The following ERGIC1 variants were observed in gnomAD, a reference collection of about 807,000 sequenced individuals.
The protein encoded by ERGIC1 is endoplasmic reticulum-golgi intermediate compartment 1.
In ERGIC1, 19 loss-of-function variants were observed where a neutral mutation model predicts 38.3. The observed-to-expected ratio is 0.50, with a 90% confidence interval of 0.35 to 0.73. The LOEUF (loss-of-function observed/expected upper bound fraction) is 0.73, where lower values mean the gene tolerates loss of function less well. Among genes scored for constraint, ERGIC1 ranks in the 30% least tolerant of loss-of-function variants. The pLI, the probability that ERGIC1 is intolerant of heterozygous loss-of-function variation, is 0.01. For missense variants in ERGIC1, 294 were observed against 389.2 expected (o/e 0.76, Z 2.06); for synonymous variants, 124 against 157.6 (o/e 0.79, Z 1.60).
chr5:172,878,788 G>GC (rs1762211453), intron 1 of ERGIC1, among the ~76,000 whole-genome samples: 1 of 152,022 alleles, frequency 6.6e-6, no homozygotes, highest in Non-Finnish European at 1.5e-5. Flanking sequence ...TTGCCTTCGT[G>GC]CCCCCCAACA....
chr5:172,868,130 C>T, intron 1 of ERGIC1, among the ~76,000 whole-genome samples: 1 of 152,226 alleles, frequency 6.6e-6, no homozygotes, highest in East Asian at 1.9e-4. Flanking sequence ...CATGCGCTTG[C>T]TACGTGCTGG....
intron 1 of ERGIC1, among the ~76,000 whole-genome samples, chr5:172,859,840 T>C (rs1761652372): frequency 6.6e-6 from 1 of 152,232 alleles, no homozygotes; most frequent in African/African-American, 2.4e-5. Flanking sequence ...GCCCGGTTTC[T>C]CTAACTCCAA....
At chr5:172,945,284 G>A (rs1400988031) in intron 9 of ERGIC1, among the ~76,000 whole-genome samples, 1 of 152,206 alleles carries the variant, frequency 6.6e-6, no homozygotes, top group East Asian at 1.9e-4. Flanking sequence ...ACCCTGTCTG[G>A]GCCTCAGCTA....
At chr5:172,889,550 G>A (rs1406391419) in intron 2 of ERGIC1, among the ~76,000 whole-genome samples, 2 of 152,170 alleles carry the variant, frequency 1.3e-5, no homozygotes, top group African/African-American at 4.8e-5. Flanking sequence ...GGTGTCAGCA[G>A]GACCTAGGAG....
At chr5:172,909,804 T>C in intron 4 of ERGIC1, 43 bp downstream of exon 4, 2 of 1,534,272 alleles carry the variant, frequency 1.3e-6, no homozygotes, top group African/African-American at 2.7e-5. Flanking sequence ...GGACACCTCC[T>C]TAGGGCAAAT....
intron 1 of ERGIC1, among the ~76,000 whole-genome samples, chr5:172,857,721 G>A (rs1761588557): frequency 6.6e-6 from 1 of 151,898 alleles, no homozygotes; most frequent in Non-Finnish European, 1.5e-5. Context: ...AGGACCCCAG[G>A]CACCCCTCTT....
At chr5:172,877,267 A>T (rs1192912988) in intron 1 of ERGIC1, among the ~76,000 whole-genome samples, 1 of 152,074 alleles carries the variant, frequency 6.6e-6, no homozygotes, top group Non-Finnish European at 1.5e-5. Context: ...CCATCCTTAC[A>T]ATGTTGAATC....
At chr5:172,836,440 A>G (rs1761039218) in intron 1 of ERGIC1, among the ~76,000 whole-genome samples, 1 of 152,138 alleles carries the variant, frequency 6.6e-6, no homozygotes, top group African/African-American at 2.4e-5. Context: ...TAACTAGGAA[A>G]TACTCTCAGG....
Position 172,891,564 on chromosome 5 carries a change from C to T in ERGIC1, c.82+2804C>T, listed in dbSNP as rs561143345. On this transcript the variant is annotated intron_variant, in intron 2 of 9. Coordinates refer to ENST00000393784, the MANE Select transcript of ERGIC1 (RefSeq NM_001031711.3). ...AGCAATTCTTGTGCCTCAGCCTCCC[C>T]GAGTAGCTGGGACTACGGATGCCCA... Among the ~76,000 whole-genome samples the T allele has an allele frequency of 2.2e-3, 337 of 151,972 alleles. 1 individual carries two copies. Among genetic ancestry groups the T allele is most frequent in the Non-Finnish European group, 4.0e-3 (269 of 67,948 alleles).
chr5:172,905,579 G>T (rs779198852), intron 3 of ERGIC1: 6 of 387,058 alleles, frequency 1.6e-5, no homozygotes, highest in Non-Finnish European at 3.2e-5. Context: ...ACTTAGCCAC[G>T]CAGGAACAAT....
chr5:172,852,144 T>C (rs1561701485), intron 1 of ERGIC1, among the ~76,000 whole-genome samples: 1 of 152,018 alleles, frequency 6.6e-6, no homozygotes, highest in Non-Finnish European at 1.5e-5. Flanking sequence ...GGAGGGAGTG[T>C]CAGTGTTGCA....
At chr5:172,876,847 C>T (rs1172371838) in intron 1 of ERGIC1, among the ~76,000 whole-genome samples, 3 of 152,076 alleles carry the variant, frequency 2.0e-5, no homozygotes, top group Admixed American at 6.5e-5. Context: ...GCCTGCCATT[C>T]AGCATAATTA....
At chr5:172,911,541 C>T (rs1419873381) in intron 4 of ERGIC1, among the ~76,000 whole-genome samples, 1 of 152,142 alleles carries the variant, frequency 6.6e-6, no homozygotes, top group Non-Finnish European at 1.5e-5. Flanking sequence ...GCCCAGCATT[C>T]TGGCTTTTCT....
rs562605329 is a variant in ERGIC1 at position 172,869,178 on chromosome 5, C to T, written c.21-19521C>T. On this transcript the variant is annotated intron_variant, in intron 1 of 9. Coordinates refer to ENST00000393784, the MANE Select transcript of ERGIC1 (RefSeq NM_001031711.3). ...TGCCAGGGCTCTGCCAGTGTATAGA[C>T]AGATCTTCCCCCCTGGGGAGGAGGA... 2.6e-5 allele frequency among the ~76,000 whole-genome samples: 4 copies of T among 152,338 alleles called. No homozygotes were observed. In the South Asian group the frequency reaches 6.2e-4, roughly 24 times the overall value.
intron 2 of ERGIC1, among the ~76,000 whole-genome samples, chr5:172,894,316 C>T (rs1277548013): frequency 6.6e-6 from 1 of 150,534 alleles, no homozygotes; most frequent in Non-Finnish European, 1.5e-5. Flanking sequence ...CTGCCTCAGC[C>T]TCTGGAGTAG....
intron 9 of ERGIC1, chr5:172,935,728 A>G: frequency 5.8e-6 from 1 of 171,206 alleles, no homozygotes; most frequent in Admixed American, 5.6e-5. Context: ...ATAGCTGCTG[A>G]TAGGGTCCGA....
chr5:172,877,644 C>G (rs1459004845), intron 1 of ERGIC1, among the ~76,000 whole-genome samples: 1 of 151,802 alleles, frequency 6.6e-6, no homozygotes, highest in Admixed American at 6.6e-5. Context: ...CTTACTGTAT[C>G]CTGGAGATTC....
chr5:172,848,612 T>C (rs1005388782), intron 1 of ERGIC1, among the ~76,000 whole-genome samples: 1 of 152,124 alleles, frequency 6.6e-6, no homozygotes, highest in African/African-American at 2.4e-5. Context: ...GGAGTCTGAG[T>C]CCTCGAGAGC....
chr5:172,933,363 C>G (rs963505503), intron 8 of ERGIC1: 5 of 152,236 alleles, frequency 3.3e-5, no homozygotes, highest in Non-Finnish European at 4.4e-5. Context: ...ATGCTAAGCT[C>G]TCTTCTTCCG....
Sources: gnomAD v4.1 joint callset for allele counts (sites outside exome capture counted in the v4.1 genomes callset) on GRCh38, gnomAD v4.1.1 for gene constraint, MANE v1.5 for transcripts, NCBI Gene and HGNC (gene_info 2026-07-23, HGNC 2026-07-21) for gene names.